The following KAZN variants were observed in gnomAD, a reference collection of about 807,000 sequenced individuals.
The protein encoded by KAZN is kazrin.
In KAZN, 40 loss-of-function variants were observed where a neutral mutation model predicts 87.4. The observed-to-expected ratio is 0.46, with a 90% confidence interval of 0.36 to 0.60. The LOEUF is 0.60. KAZN is among the 20% of genes least tolerant of loss of function. The pLI, the probability that KAZN is intolerant of heterozygous loss-of-function variation, is 0.00. For synonymous variants in KAZN, 466 were observed against 458.3 expected (o/e 1.02, Z -0.22); for missense variants, 898 against 1,073.9 (o/e 0.84, Z 2.29).
intron 2 of KAZN, among the ~76,000 whole-genome samples, chr1:14,536,084 G>A (rs1162624069): frequency 6.6e-6 from 1 of 152,224 alleles, no homozygotes; most frequent in East Asian, 1.9e-4. Context: ...GGCCTCTCCA[G>A]TTGGCTTGGG....
intron 1 of KAZN, among the ~76,000 whole-genome samples, chr1:14,019,429 T>G (rs1414542671): frequency 6.6e-6 from 1 of 152,004 alleles, no homozygotes; most frequent in Non-Finnish European, 1.5e-5. Flanking sequence ...TGGGCTGGGG[T>G]ATTTATGGTC....
At chr1:14,857,564 A>G (rs760113030) in intron 1 of KAZN, among the ~76,000 whole-genome samples, 8 of 151,938 alleles carry the variant, frequency 5.3e-5, no homozygotes, top group Non-Finnish European at 8.8e-5. Context: ...AGCTGGCACT[A>G]AGGGTGATTT....
At chr1:14,315,411 A>G (rs1655587147) in intron 2 of KAZN, among the ~76,000 whole-genome samples, 1 of 152,168 alleles carries the variant, frequency 6.6e-6, no homozygotes, top group Non-Finnish European at 1.5e-5. Context: ...TACATCTAAT[A>G]TTTAACAAAG....
chr1:14,478,095 A>G (rs558483185), intron 2 of KAZN, among the ~76,000 whole-genome samples: 1 of 152,242 alleles, frequency 6.6e-6, no homozygotes, highest in Non-Finnish European at 1.5e-5. Context: ...ACACTTCCCA[A>G]ATGAAACATA....
chr1:14,967,661 A>G (rs1482549539), intron 2 of KAZN, among the ~76,000 whole-genome samples: 2 of 152,252 alleles, frequency 1.3e-5, no homozygotes, highest in Non-Finnish European at 2.9e-5. Context: ...GGAGGAGCAG[A>G]GGCCAGAGGG....
chr1:15,032,119 C>A (rs576824716), intron 2 of KAZN, among the ~76,000 whole-genome samples: 1 of 151,924 alleles, frequency 6.6e-6, no homozygotes, highest in Non-Finnish European at 1.5e-5. Context: ...CCCCCACACC[C>A]AGCCCGAGGC....
chr1:14,321,272 T>C (rs1477552330), intron 2 of KAZN, among the ~76,000 whole-genome samples: 1 of 152,000 alleles, frequency 6.6e-6, no homozygotes, highest in African/African-American at 2.4e-5. Flanking sequence ...TTTTAAAAAC[T>C]CTATCTCAAA....
At chr1:14,113,447 G>A (rs10928014) in intron 1 of KAZN, among the ~76,000 whole-genome samples, 43,940 of 151,970 alleles carry the variant, frequency 0.29, 6,787 homozygotes, top group East Asian at 0.56. Context: ...AAATGCAGGC[G>A]TACAATTAGC....
At chr1:14,779,130 G>A (rs559394081) in intron 1 of KAZN, among the ~76,000 whole-genome samples, 3 of 152,222 alleles carry the variant, frequency 2.0e-5, no homozygotes, top group Non-Finnish European at 4.4e-5. Flanking sequence ...GCGAGACAGG[G>A]CCCACCCAAA....
intron 2 of KAZN, among the ~76,000 whole-genome samples, chr1:15,011,774 A>G (rs941298911): frequency 6.6e-6 from 1 of 152,184 alleles, no homozygotes; most frequent in Non-Finnish European, 1.5e-5. Flanking sequence ...CCTCGAGAGC[A>G]GGGAATCTTG....
At chr1:15,012,092 G>A (rs1427702533) in intron 2 of KAZN, among the ~76,000 whole-genome samples, 1 of 152,172 alleles carries the variant, frequency 6.6e-6, no homozygotes, top group East Asian at 1.9e-4. Context: ...GGAGTAGCCT[G>A]TGAAGTAGGA....
chr1:14,966,943 A>G (rs1411351805), intron 2 of KAZN, among the ~76,000 whole-genome samples: 2 of 152,232 alleles, frequency 1.3e-5, no homozygotes, highest in Non-Finnish European at 2.9e-5. Context: ...TGCTGGGATT[A>G]CAGGCATGAG....
chr1:14,558,450 G>C lies in KAZN; in HGVS notation c.250-40533G>C, dbSNP rs184487987. Among the ~76,000 whole-genome samples the C allele has an allele frequency of 1.5e-4, 23 of 152,272 alleles. No homozygotes were observed. The East Asian group carries it at 2.9e-3, about 19-fold the overall frequency. ...TGCTTAGCAAGGATTATCGTTTGTT[G>C]GGAGGTCCTTGGATGAGCCAGCCAT... On this transcript the variant is annotated intron_variant, in intron 2 of 16. Coordinates refer to the KAZN transcript ENST00000636203.
At chr1:14,648,780 T>A (rs866742056) in intron 1 of KAZN, among the ~76,000 whole-genome samples, 1 of 152,192 alleles carries the variant, frequency 6.6e-6, no homozygotes, top group Non-Finnish European at 1.5e-5. Flanking sequence ...TGCTCACTAA[T>A]GTAGTTTGTG....
intron 13 of KAZN, among the ~76,000 whole-genome samples, chr1:15,110,181 GTGT>G (rs1323374568): frequency 9.4e-6 from 1 of 106,168 alleles, no homozygotes; most frequent in Admixed American, 1.1e-4. Context: ...GTGTATATGT[GTGT>G]TGTGTATGTG....
intron 2 of KAZN, among the ~76,000 whole-genome samples, chr1:14,448,996 G>A (rs957693532): frequency 9.9e-5 from 15 of 152,202 alleles, no homozygotes; most frequent in Non-Finnish European, 1.8e-4. Context: ...GGAGGTTTTC[G>A]TGGTAGAATC....
chr1:14,794,772 G>A (rs1645781901), intron 1 of KAZN, among the ~76,000 whole-genome samples: 2 of 152,194 alleles, frequency 1.3e-5, no homozygotes, highest in South Asian at 4.1e-4. Context: ...GTTTCTGGGT[G>A]TGTCTGTGAG....
chr1:13,907,180 G>A (rs1039923044), intron 1 of KAZN, among the ~76,000 whole-genome samples: 3 of 152,144 alleles, frequency 2.0e-5, no homozygotes, highest in Non-Finnish European at 4.4e-5. Flanking sequence ...CCCTGAGAAG[G>A]TATCTCCACC....
intron 1 of KAZN, among the ~76,000 whole-genome samples, chr1:14,680,373 T>A (rs1640497719): frequency 6.6e-6 from 1 of 152,166 alleles, no homozygotes; most frequent in African/African-American, 2.4e-5. Context: ...ATAGATTAGT[T>A]TTGCCTGATC....
Sources: gnomAD v4.1 joint callset for allele counts (sites outside exome capture counted in the v4.1 genomes callset) on GRCh38, gnomAD v4.1.1 for gene constraint, MANE v1.5 for transcripts, NCBI Gene and HGNC (gene_info 2026-07-23, HGNC 2026-07-21) for gene names.